POLA1: variants seen among roughly 807,000 people sequenced by gnomAD.
POLA1 encodes DNA polymerase alpha 1, catalytic subunit, also known as DNA polymerase alpha catalytic subunit.
In POLA1, 15 loss-of-function variants were observed where a neutral mutation model predicts 124.0. The observed-to-expected ratio is 0.12, with a 90% CI of 0.08 to 0.19. The LOEUF (loss-of-function observed/expected upper bound fraction) is 0.19. Ranked by LOEUF, POLA1 falls within the 10% of genes least tolerant of loss-of-function variation. The pLI is 1.00. For missense variants in POLA1, 886 were observed against 1,103.4 expected, an observed-to-expected ratio of 0.80 and a Z score of 2.79; for synonymous variants, 408 against 389.4, an observed-to-expected ratio of 1.05 and a Z score of -0.56.
At chrX:24,854,591 G>A (rs1428518901) in intron 34 of POLA1, among the ~76,000 whole-genome samples, 1 of 111,703 alleles carries the variant, frequency 9.0e-6, no homozygotes, top group Non-Finnish European at 1.9e-5. Context: ...AGCACTTTGG[G>A]AGGCTGAGCA....
At chrX:24,909,473 C>T (rs1222467509) in intron 35 of POLA1, among the ~76,000 whole-genome samples, 3 of 111,478 alleles carry the variant, frequency 2.7e-5, no homozygotes, top group African/African-American at 9.8e-5. Flanking sequence ...GTTTTCCCAG[C>T]ACCATTTATT....
At chrX:24,949,631 A>C (rs889801395) in intron 36 of POLA1, among the ~76,000 whole-genome samples, 1 of 108,463 alleles carries the variant, frequency 9.2e-6, no homozygotes, top group Admixed American at 9.9e-5. Context: ...AATCCAGCAG[A>C]CATAAGTGTG....
chrX:24,974,331 A>G (rs73471586), intron 36 of POLA1, among the ~76,000 whole-genome samples: 5,367 of 111,710 alleles, frequency 0.048, 328 homozygotes, highest in African/African-American at 0.17. Flanking sequence ...CAGTGGACAC[A>G]AGATAGACCC....
At chrX:24,817,586 C>T (rs952302777) in intron 30 of POLA1, among the ~76,000 whole-genome samples, 2 of 90,157 alleles carry the variant, frequency 2.2e-5, no homozygotes, top group Non-Finnish European at 4.2e-5. Flanking sequence ...CCAGCATGGG[C>T]GACAGAGCAA....
intron 36 of POLA1, among the ~76,000 whole-genome samples, chrX:24,968,568 TGGC>T (rs1450647495): frequency 9.1e-6 from 1 of 109,778 alleles, no homozygotes; most frequent in East Asian, 2.9e-4. Context: ...GCGTGCGTGG[TGGC>T]GGGTGCCTGT....
chrX:24,721,438 A>C (rs1930197052), intron 10 of POLA1, among the ~76,000 whole-genome samples: 1 of 112,180 alleles, frequency 8.9e-6, no homozygotes, highest in Non-Finnish European at 1.9e-5. Flanking sequence ...AAACTCCTTT[A>C]ATCTCAGAGT....
At chrX:24,904,277 T>C (rs1569356433) in intron 35 of POLA1, among the ~76,000 whole-genome samples, 2 of 110,596 alleles carry the variant, frequency 1.8e-5, no homozygotes, top group Non-Finnish European at 3.8e-5. Flanking sequence ...AAGTTTGCCA[T>C]TTTGTCCCCT....
intron 14 of POLA1, 125 bp downstream of exon 14, chrX:24,727,196 GTTTT>G (rs1930594050): frequency 1.7e-6 from 1 of 592,288 alleles, no homozygotes; most frequent in Non-Finnish European, 2.6e-6. Context: ...TGTTTCTTCA[GTTTT>G]CGTTGAGTGA....
At chrX:24,987,596 T>G (rs1446954285) in intron 36 of POLA1, among the ~76,000 whole-genome samples, 1 of 111,980 alleles carries the variant, frequency 8.9e-6, no homozygotes, top group African/African-American at 3.2e-5. Flanking sequence ...TGATTTGGCT[T>G]AATCAAAAAT....
chrX:24,739,265 G>T, intron 19 of POLA1, 110 bp from the exon 20 acceptor site: 1 of 521,269 alleles, frequency 1.9e-6, no homozygotes, highest in South Asian at 3.1e-5. Context: ...TTGATGTATG[G>T]AAGAATGAGA....
At position 24,820,947 on chromosome X, in the gene POLA1, G is replaced by A. The variant is rs181202050; in HGVS notation, c.3430-505G>A. ...CAAGGCTGACATTGTTCCTGTTCTC[G>A]TAGTACTTACTTTCTGTTACAAATT... On this transcript the variant is annotated intron_variant, in intron 30 of 36. Transcript: ENST00000379068. 1.6e-4 allele frequency among the ~76,000 whole-genome samples: 18 copies of A among 112,009 alleles called. No homozygotes were observed. In the East Asian group the frequency reaches 3.3e-3, roughly 21 times the overall value.
intron 15 of POLA1, among the ~76,000 whole-genome samples, chrX:24,729,733 T>C (rs1930772961): frequency 9.0e-6 from 1 of 111,520 alleles, no homozygotes; most frequent in African/African-American, 3.3e-5. Context: ...TTGATAGGGA[T>C]CTTTTTTAAC....
intron 1 of POLA1, 106 bp downstream of exon 1, chrX:24,694,110 C>T (rs1231301602): frequency 2.5e-6 from 2 of 797,512 alleles, no homozygotes; most frequent in East Asian, 3.8e-5. Flanking sequence ...TGGGCGCAGA[C>T]CTTGGTCGTC....
chrX:24,882,684 G>GGTGTGT (rs57530564), intron 34 of POLA1, among the ~76,000 whole-genome samples: 4,025 of 87,541 alleles, frequency 0.046, 98 homozygotes, highest in Admixed American at 0.059. Context: ...TATATTCCAT[G>GGTGTGT]GTGTGTGTGT....
Position 24,786,883 on chromosome X carries a change from G to T in POLA1, c.2965-23015G>T, listed in dbSNP as rs759678913. Among the ~76,000 whole-genome samples, 194 of 106,640 alleles carry T rather than the reference G, an allele frequency of 1.8e-3. 1 individual carries two copies. The highest frequency in any genetic ancestry group is 2.1e-3 in the Non-Finnish European group (111 of 51,822). 92.6% of individuals were successfully genotyped at this position (106,640 alleles called of 115,157 possible). On this transcript the variant is annotated intron_variant, in intron 26 of 36. Transcript: ENST00000379068. ...TAATTTTTTTTAAAGATGGGGTTTTGCCATGTTGCTCAGGCTGGTCTTGAA... is the reference window on the plus strand; with the variant it reads ...TAATTTTTTTTAAAGATGGGGTTTTTCCATGTTGCTCAGGCTGGTCTTGAA...
At chrX:24,735,652 C>T (rs1411091714) in intron 18 of POLA1, among the ~76,000 whole-genome samples, 164 bp downstream of exon 18, 3 of 110,919 alleles carry the variant, frequency 2.7e-5, no homozygotes, top group Non-Finnish European at 5.7e-5. Context: ...AGCAAGCCCA[C>T]TGCAAGATAG....
chrX:24,727,903 G>C lies in POLA1; in HGVS notation c.1653G>C (p.Lys551Asn), dbSNP rs1337712607. The change falls in exon 15 of 37, where the codon AAG (lysine) becomes AAC (asparagine). Residue 551 changes from lysine to asparagine, a missense_variant. This residue lies in a region of POLA1 where 337 missense variants were observed against 402.8 expected (regional missense o/e 0.84). Coordinates refer to ENST00000379068, the MANE Select transcript of POLA1 (RefSeq NM_001330360.2). ...TTGTCGTGATGGCTTTCAGCATGAA[G>C]ACAATGCAGAATGCAAAGAACCATC... ...PPLVVMAFSMKTMQNAKNHQN... is the reference protein window; with the variant it reads ...PPLVVMAFSMNTMQNAKNHQN... The C allele has an allele frequency of 8.3e-7, 1 of 1,208,460 alleles. No individual in the cohort carries two copies. The highest frequency in any genetic ancestry group is 1.1e-6 in the Non-Finnish European group (1 of 893,754).
intron 4 of POLA1, among the ~76,000 whole-genome samples, chrX:24,711,518 A>G (rs1204116693): frequency 8.9e-6 from 1 of 112,377 alleles, no homozygotes; most frequent in Non-Finnish European, 1.9e-5. Context: ...ATAATGCCAC[A>G]TCCAATAACT....
intron 35 of POLA1, among the ~76,000 whole-genome samples, chrX:24,891,301 C>T (rs774990998): frequency 1.8e-5 from 2 of 111,392 alleles, no homozygotes; most frequent in Non-Finnish European, 1.9e-5. Context: ...CCTCTGGTTC[C>T]GGTGCTGCTC....
Sources: allele counts gnomAD v4.1 joint callset (sites outside exome capture counted in the v4.1 genomes callset), GRCh38; gene constraint gnomAD v4.1.1; regional missense constraint gnomAD v4.1.1; transcripts MANE v1.5; gene names NCBI Gene and HGNC (gene_info 2026-07-23, HGNC 2026-07-21).